The following MACROD2 variants were observed in gnomAD, a reference collection of about 807,000 sequenced individuals.
MACROD2 encodes mono-ADP ribosylhydrolase 2.
A neutral mutation model predicts 70.4 loss-of-function variants in MACROD2; 36 were observed. The observed-to-expected ratio is 0.51, with a 90% CI of 0.39 to 0.68. The LOEUF is 0.68. Among genes scored for constraint, MACROD2 ranks in the 30% least tolerant of loss-of-function variants. The pLI is 0.00. For synonymous variants in MACROD2, 172 were observed against 178.8 expected (o/e 0.96, Z 0.30); for missense variants, 496 against 538.4 (o/e 0.92, Z 0.78).
intron 5 of MACROD2, among the ~76,000 whole-genome samples, chr20:14,921,087 T>C (rs2074156775): frequency 6.6e-6 from 1 of 152,284 alleles, no homozygotes; most frequent in South Asian, 2.1e-4. Flanking sequence ...ACATAATGTA[T>C]AGAATTAAAA....
chr20:15,126,533 GT>G (rs2123263847), intron 5 of MACROD2, among the ~76,000 whole-genome samples: 1 of 152,038 alleles, frequency 6.6e-6, no homozygotes, highest in African/African-American at 2.4e-5. Context: ...GCTTACAGTA[GT>G]TCACTCAAAT....
intron 5 of MACROD2, among the ~76,000 whole-genome samples, chr20:15,201,192 G>C (rs2076652922): frequency 6.6e-6 from 1 of 152,204 alleles, no homozygotes; most frequent in East Asian, 1.9e-4. Context: ...AGTCTCTTAG[G>C]TTGTCTAGAA....
At position 14,651,424 on chromosome 20, in the gene MACROD2, G is replaced by A. The variant is rs190355565; in HGVS notation, c.302-33419G>A. ...AGGAGGGCATGAGGAAGAGAGGACTGGGCTGCACATCCTGGCTTTGACTGG... is the reference window on the plus strand; with the variant it reads ...AGGAGGGCATGAGGAAGAGAGGACTAGGCTGCACATCCTGGCTTTGACTGG... On this transcript the variant is annotated intron_variant, in intron 4 of 17. Transcript: ENST00000684519. Among the ~76,000 whole-genome samples, 415 of 152,218 alleles carry A rather than the reference G, an allele frequency of 2.7e-3. 8 individuals are homozygous for A. The highest frequency in any genetic ancestry group is 1.1e-3 in the Non-Finnish European group (72 of 68,024).
chr20:14,618,577 C>T (rs145140285), intron 4 of MACROD2, among the ~76,000 whole-genome samples: 4 of 152,044 alleles, frequency 2.6e-5, no homozygotes, highest in African/African-American at 4.8e-5. Context: ...TGTGGTGTAA[C>T]GCACAGGGTT....
intron 5 of MACROD2, among the ~76,000 whole-genome samples, chr20:15,164,930 T>TA (rs1002962356): frequency 1.3e-5 from 2 of 151,786 alleles, no homozygotes; most frequent in African/African-American, 2.4e-5. Flanking sequence ...AAAATATCAA[T>TA]ATCAGCATAA....
At chr20:14,267,141 G>A (rs2082150949) in intron 3 of MACROD2, among the ~76,000 whole-genome samples, 1 of 152,228 alleles carries the variant, frequency 6.6e-6, no homozygotes, top group Non-Finnish European at 1.5e-5. Flanking sequence ...AGTTATGTTA[G>A]TGGCCCTATA....
intron 8 of MACROD2, among the ~76,000 whole-genome samples, chr20:15,693,380 A>G (rs1234616551): frequency 6.6e-6 from 1 of 152,082 alleles, no homozygotes; most frequent in Non-Finnish European, 1.5e-5. Context: ...ATGTAGTAGT[A>G]TTTTGCTGTT....
intron 7 of MACROD2, among the ~76,000 whole-genome samples, chr20:15,459,664 G>A (rs2046781485): frequency 6.6e-6 from 1 of 152,038 alleles, no homozygotes. Context: ...AGTTAGTAGG[G>A]GTCTTCTGAG....
intron 6 of MACROD2, among the ~76,000 whole-genome samples, chr20:15,247,820 C>T (rs2077120043): frequency 6.6e-6 from 1 of 152,098 alleles, no homozygotes; most frequent in Admixed American, 6.5e-5. Flanking sequence ...GCCTCAGCCT[C>T]CCAAGTAGCT....
chr20:14,975,275 G>A (rs1405308023), intron 5 of MACROD2, among the ~76,000 whole-genome samples: 1 of 152,170 alleles, frequency 6.6e-6, no homozygotes, highest in Non-Finnish European at 1.5e-5. Context: ...AGCAGGCTGA[G>A]AGGAGGAACA....
At chr20:14,491,847 A>G (rs2084798706) in intron 3 of MACROD2, among the ~76,000 whole-genome samples, 1 of 152,212 alleles carries the variant, frequency 6.6e-6, no homozygotes, top group South Asian at 2.1e-4. Flanking sequence ...CAACAGATGG[A>G]GTCCCAGGGA....
chr20:15,252,391 G>A (rs2077163438), intron 6 of MACROD2, among the ~76,000 whole-genome samples: 1 of 152,128 alleles, frequency 6.6e-6, no homozygotes, highest in African/African-American at 2.4e-5. Context: ...TTCTTACTCA[G>A]GCTAGATGTC....
chr20:14,759,598 A>G (rs1434697258), intron 5 of MACROD2, among the ~76,000 whole-genome samples: 1 of 152,176 alleles, frequency 6.6e-6, no homozygotes, highest in Non-Finnish European at 1.5e-5. Context: ...CATAGTATAT[A>G]AGAAATAATT....
chr20:15,934,148 C>G (rs1246217631), intron 11 of MACROD2, among the ~76,000 whole-genome samples: 2 of 152,174 alleles, frequency 1.3e-5, no homozygotes, highest in Non-Finnish European at 2.9e-5. Context: ...CAGTTATTCT[C>G]CCAACTCTAA....
chr20:15,825,565 C>T (rs73898513), intron 8 of MACROD2, among the ~76,000 whole-genome samples: 18,495 of 151,566 alleles, frequency 0.12, 1,242 homozygotes, highest in African/African-American at 0.14. Flanking sequence ...GTGGCCCAAT[C>T]TTGGCTCACT....
intron 6 of MACROD2, among the ~76,000 whole-genome samples, chr20:15,230,274 A>G (rs2076948688): frequency 6.6e-6 from 1 of 152,230 alleles, no homozygotes; most frequent in Admixed American, 6.5e-5. Flanking sequence ...TTAAAACTAT[A>G]AAACCTCAGA....
intron 4 of MACROD2, among the ~76,000 whole-genome samples, chr20:14,503,320 G>C (rs1223975420): frequency 2.0e-5 from 3 of 152,194 alleles, no homozygotes; most frequent in African/African-American, 7.2e-5. Context: ...ACCTGACCCT[G>C]AGTTTAAATG....
chr20:15,298,277 C>T lies in MACROD2; in HGVS notation c.540+68216C>T, dbSNP rs955161084. 1.1e-4 allele frequency among the ~76,000 whole-genome samples: 17 copies of T among 152,336 alleles called. 1 individual carries two copies. Among genetic ancestry groups the T allele is most frequent in the African/African-American group, 3.8e-4 (16 of 41,584 alleles). ...ATGAGATAATGCATGTAAAGTGTATCTCCCTGGGCCTTGGGTTGTTGACTC... is the reference window on the plus strand; with the variant it reads ...ATGAGATAATGCATGTAAAGTGTATTTCCCTGGGCCTTGGGTTGTTGACTC... On this transcript the variant is annotated intron_variant, in intron 6 of 17. Transcript: ENST00000684519.
intron 15 of MACROD2, among the ~76,000 whole-genome samples, chr20:16,023,223 C>T (rs1157523601): frequency 1.3e-5 from 2 of 152,146 alleles, no homozygotes; most frequent in East Asian, 3.9e-4. Flanking sequence ...CGCCTGTAAT[C>T]TCAGCACTTT....
Sources: gnomAD v4.1 joint callset for allele counts (sites outside exome capture counted in the v4.1 genomes callset) on GRCh38, gnomAD v4.1.1 for gene constraint, MANE v1.5 for transcripts, NCBI Gene and HGNC (gene_info 2026-07-23, HGNC 2026-07-21) for gene names.